The following RNF130 variants were observed in gnomAD, a reference collection of about 807,000 sequenced individuals.
RNF130 encodes ring finger protein 130.
A neutral mutation model predicts 44.6 loss-of-function variants in RNF130; 21 were observed. The observed-to-expected ratio is 0.47, with a 90% confidence interval of 0.33 to 0.68. The LOEUF (loss-of-function observed/expected upper bound fraction) is 0.68, where lower values mean the gene tolerates loss of function less well. Ranked by LOEUF, RNF130 falls within the 30% of genes least tolerant of loss-of-function variation. RNF130 has a pLI of 0.02. For synonymous variants in RNF130, 214 were observed against 210.4 expected, an observed-to-expected ratio of 1.02 and a Z score of -0.15; for missense variants, 479 against 560.6, an observed-to-expected ratio of 0.85 and a Z score of 1.47.
chr5:180,054,103 T>A (rs1051702037), intron 1 of RNF130, among the ~76,000 whole-genome samples: 1 of 152,138 alleles, frequency 6.6e-6, no homozygotes, highest in South Asian at 2.1e-4. Flanking sequence ...TGTGAGCCCC[T>A]GCGCCCGGCC....
intron 7 of RNF130, among the ~76,000 whole-genome samples, chr5:179,949,379 C>T (rs1253916833): frequency 2.0e-5 from 3 of 151,752 alleles, no homozygotes; most frequent in Non-Finnish European, 4.4e-5. Flanking sequence ...ATCTTCCTGC[C>T]TCCTGAGTAG....
Position 180,071,658 on chromosome 5 carries a change from G to A in RNF130, c.45C>T (p.Leu15=), listed in dbSNP as rs3828698. The part of the protein sequence containing the change: ...GRAGPARLAA[L]ALLTCSLWPA... ...GCCACAGGCTGCAGGTCAGCAGGGC[G>A]AGCGCGGCGAGCCGGGCAGGGCCCG... The change falls in exon 1 of 9, where the codon CTC becomes CTT. Residue 15 remains leucine (L), a synonymous_variant. Transcript: ENST00000521389. 2.8e-6 allele frequency: 4 copies of A among 1,447,574 alleles called. No individual in the cohort carries two copies. The highest frequency in any genetic ancestry group is 2.7e-6 in the Non-Finnish European group (3 of 1,097,640). The allele number at this position is 1,447,574 out of a possible 1,614,324, so 89.7% of individuals were successfully genotyped here.
At chr5:179,993,047 C>T (rs1356326151) in intron 3 of RNF130, among the ~76,000 whole-genome samples, 1 of 152,196 alleles carries the variant, frequency 6.6e-6, no homozygotes, top group Non-Finnish European at 1.5e-5. Context: ...CTAAAAAGGA[C>T]ATGAACACAT....
intron 1 of RNF130, among the ~76,000 whole-genome samples, chr5:180,057,691 C>T (rs1764866443): frequency 6.6e-6 from 1 of 152,174 alleles, no homozygotes; most frequent in Admixed American, 6.5e-5. Context: ...GGTCATGGGA[C>T]CCTTCCAGAC....
intron 2 of RNF130, among the ~76,000 whole-genome samples, chr5:180,038,102 G>A (rs1259260385): frequency 6.6e-6 from 1 of 152,154 alleles, no homozygotes; most frequent in African/African-American, 2.4e-5. Context: ...TGTCCAGGAC[G>A]CAGTGCAGTG....
intron 1 of RNF130, among the ~76,000 whole-genome samples, chr5:180,065,619 G>T (rs1016222141): frequency 6.6e-6 from 1 of 152,098 alleles, no homozygotes; most frequent in Non-Finnish European, 1.5e-5. Flanking sequence ...AATTAGCTGG[G>T]TGTGGTGGTG....
intron 3 of RNF130, among the ~76,000 whole-genome samples, chr5:179,996,988 A>C (rs1488887586): frequency 6.6e-6 from 1 of 152,166 alleles, no homozygotes; most frequent in African/African-American, 2.4e-5. Context: ...ATTCACTTTA[A>C]TTACTCATAA....
chr5:180,021,796 A>G (rs1338521189), intron 2 of RNF130, among the ~76,000 whole-genome samples: 1 of 152,184 alleles, frequency 6.6e-6, no homozygotes, highest in African/African-American at 2.4e-5. Context: ...CAACCCCCAA[A>G]TAAGGAGCTT....
chr5:179,927,086 C>CT (rs1316344497), intron 7 of RNF130, among the ~76,000 whole-genome samples: 1 of 152,164 alleles, frequency 6.6e-6, no homozygotes, highest in East Asian at 1.9e-4. Context: ...ATGACCGAAT[C>CT]TTTTTTGTTA....
At chr5:179,931,339 A>G (rs1321223910) in intron 7 of RNF130, among the ~76,000 whole-genome samples, 1 of 152,234 alleles carries the variant, frequency 6.6e-6, no homozygotes, top group African/African-American at 2.4e-5. Context: ...ATTTGTTTTT[A>G]ATCAGCTGTG....
intron 3 of RNF130, among the ~76,000 whole-genome samples, chr5:179,981,154 T>C (rs1211369153): frequency 6.8e-6 from 1 of 147,444 alleles, no homozygotes; most frequent in East Asian, 2.0e-4. Context: ...CTAGTAAAGA[T>C]AAATAGGTGT....
chr5:179,912,080 C>T (rs1761474475), exon 8 of RNF130: 1 of 152,122 alleles, frequency 6.6e-6, no homozygotes, highest in African/African-American at 2.4e-5. Context: ...CCCAAGCCTC[C>T]CCACCCCCAC....
chr5:179,996,698 G>C (rs1191867322), intron 3 of RNF130, among the ~76,000 whole-genome samples: 1 of 152,184 alleles, frequency 6.6e-6, no homozygotes, highest in Admixed American at 6.5e-5. Flanking sequence ...TCAATGTGTT[G>C]CTGGATTCAG....
chr5:179,926,850 A>G (rs759860802), intron 7 of RNF130, among the ~76,000 whole-genome samples: 1 of 152,092 alleles, frequency 6.6e-6, no homozygotes, highest in Non-Finnish European at 1.5e-5. Context: ...GGGGGACCTG[A>G]TGCCATTTCC....
intron 3 of RNF130, among the ~76,000 whole-genome samples, chr5:180,009,294 T>A (rs1763531778): frequency 6.6e-6 from 1 of 152,128 alleles, no homozygotes. Context: ...AAGACCTTGT[T>A]AAGAGGTTGA....
intron 3 of RNF130, among the ~76,000 whole-genome samples, chr5:180,000,591 CTT>C (rs149740298): frequency 4.6e-5 from 7 of 151,196 alleles, no homozygotes; most frequent in Admixed American, 2.6e-4. Flanking sequence ...ATTCTTATTT[CTT>C]TTTTTTTGTC....
intron 1 of RNF130, among the ~76,000 whole-genome samples, chr5:180,070,259 C>T (rs1392254134): frequency 6.6e-6 from 1 of 152,196 alleles, no homozygotes; most frequent in African/African-American, 2.4e-5. Context: ...CAAGCTGGGA[C>T]CCTAACTGCC....
chr5:179,986,967 G>A (rs567864724), intron 3 of RNF130, among the ~76,000 whole-genome samples: 1 of 152,238 alleles, frequency 6.6e-6, no homozygotes, highest in South Asian at 2.1e-4. Context: ...TGTTACTGGT[G>A]TACAGAAATG....
intron 1 of RNF130, among the ~76,000 whole-genome samples, chr5:180,062,105 A>C (rs1283289436): frequency 6.9e-6 from 1 of 145,834 alleles, no homozygotes; most frequent in African/African-American, 2.6e-5. Context: ...CCCAGGCTGG[A>C]GTGCAGTGGC....
Sources: allele counts gnomAD v4.1 joint callset (sites outside exome capture counted in the v4.1 genomes callset), GRCh38; gene constraint gnomAD v4.1.1; transcripts MANE v1.5; gene names NCBI Gene and HGNC (gene_info 2026-07-23, HGNC 2026-07-21).